ASAP2: variants seen among roughly 807,000 people sequenced by gnomAD.
The protein encoded by ASAP2 is arf-GAP with SH3 domain, ANK repeat and PH domain-containing protein 2.
ASAP2 carries 45 observed loss-of-function variants against 131.4 expected under a neutral mutation model. That is an observed-to-expected ratio of 0.34 (90% CI 0.27 to 0.44). The LOEUF (loss-of-function observed/expected upper bound fraction) is 0.44, where lower values mean the gene tolerates loss of function less well. Ranked by LOEUF, ASAP2 falls within the 20% of genes least tolerant of loss-of-function variation. The probability of loss-of-function intolerance (pLI) is 1.00; values close to 1 mark genes in which losing one functional copy is unlikely to be tolerated. For missense variants in ASAP2, 1,011 were observed against 1,297.0 expected (o/e 0.78, Z 3.39); for synonymous variants, 510 against 503.0 (o/e 1.01, Z -0.19).
chr2:9,402,509 C>G (rs1243678254), intron 27 of ASAP2, among the ~76,000 whole-genome samples: 1 of 152,222 alleles, frequency 6.6e-6, no homozygotes, highest in African/African-American at 2.4e-5. Context: ...GTAATCCCAG[C>G]TACTCGGGAA....
At chr2:9,355,950 T>C (rs1045605999) in intron 12 of ASAP2, 97 bp from the exon 13 acceptor site, 1 of 1,435,802 alleles carries the variant, frequency 7.0e-7, no homozygotes, top group Non-Finnish European at 9.8e-7. Flanking sequence ...AACAGAGAGC[T>C]AAGATTATTC....
chr2:9,359,957 C>T (rs1324792838), intron 15 of ASAP2, among the ~76,000 whole-genome samples: 1 of 152,206 alleles, frequency 6.6e-6, no homozygotes, highest in Non-Finnish European at 1.5e-5. Flanking sequence ...GAACTCCAAA[C>T]AGTGCCTTCC....
At chr2:9,209,117 G>A (rs761402184) in intron 1 of ASAP2, among the ~76,000 whole-genome samples, 2 of 152,216 alleles carry the variant, frequency 1.3e-5, no homozygotes, top group African/African-American at 2.4e-5. Context: ...ACTGGATTTG[G>A]TCATTTCATT....
intron 7 of ASAP2, among the ~76,000 whole-genome samples, chr2:9,334,201 G>GTTTTTTTTTTTTTTTT (rs111579113): frequency 2.3e-5 from 3 of 129,488 alleles, no homozygotes; most frequent in Non-Finnish European, 3.2e-5. Flanking sequence ...TTTTGTATTT[G>GTTTTTTTTTTTTTTTT]TTTTTTTTTT....
chr2:9,293,567 C>A (rs1035828800), intron 2 of ASAP2, among the ~76,000 whole-genome samples: 1 of 152,062 alleles, frequency 6.6e-6, no homozygotes, highest in Admixed American at 6.6e-5. Flanking sequence ...TTGTTTTTGG[C>A]AAAAGAAAAA....
At chr2:9,266,538 G>T (rs1665962448) in intron 1 of ASAP2, among the ~76,000 whole-genome samples, 1 of 152,142 alleles carries the variant, frequency 6.6e-6, no homozygotes, top group African/African-American at 2.4e-5. Flanking sequence ...ACACAGGCCA[G>T]CTTCCCTCAC....
rs140305748 is a variant in ASAP2 at position 9,338,290 on chromosome 2, GCT to G, written c.849+3128_849+3129del. On this transcript the variant is annotated intron_variant, in intron 9 of 27. Transcript: ENST00000281419. Reference sequence around the variant, plus strand: ...CACTCTGCAGATCTCAAGTATGGTTGCTCTCTCTCTCTCTCTCTGTCTGTCTG... The same window carrying G: ...CACTCTGCAGATCTCAAGTATGGTTGCTCTCTCTCTCTCTCTGTCTGTCTG... Among the ~76,000 whole-genome samples the G allele has an allele frequency of 7.7e-4, 114 of 147,280 alleles. 1 individual carries two copies. The highest frequency in any genetic ancestry group is 2.0e-3 in the Admixed American group (30 of 14,806).
At chr2:9,303,902 G>A (rs546881265) in intron 3 of ASAP2, among the ~76,000 whole-genome samples, 9 of 152,356 alleles carry the variant, frequency 5.9e-5, no homozygotes, top group Non-Finnish European at 1.0e-4. Flanking sequence ...GGCCTTGGGC[G>A]TGGGAGGGAG....
In ASAP2 at chr2:9,337,221, A is replaced by G. The variant is rs115344518; in HGVS notation, c.849+2042A>G. Among the ~76,000 whole-genome samples, 1,028 of 152,326 alleles carry G rather than the reference A, an allele frequency of 6.7e-3. 15 individuals carry two copies. The highest frequency in any genetic ancestry group is 0.023 in the African/African-American group (976 of 41,564). On this transcript the variant is annotated intron_variant, in intron 9 of 27. Transcript: ENST00000281419. ...TGGCTCCTTGTCAAGACCTAACTCA[A>G]CAGTCTCCTAGTTGTGGGCGTGTTG...
At chr2:9,304,913 T>C (rs1338261834) in intron 3 of ASAP2, among the ~76,000 whole-genome samples, 2 of 149,726 alleles carry the variant, frequency 1.3e-5, no homozygotes, top group East Asian at 4.0e-4. Flanking sequence ...GGTGTAGATG[T>C]TAGTGGAGAG....
rs1669328983 is a variant in ASAP2 at position 9,311,908 on chromosome 2, A to T, written c.346-6616A>T. Among the ~76,000 whole-genome samples, 2 of 152,248 alleles carry T rather than the reference A, an allele frequency of 1.3e-5. No individual in the cohort carries two copies. The highest frequency in any genetic ancestry group is 4.8e-5 in the African/African-American group (2 of 41,466). On this transcript the variant is annotated intron_variant, in intron 3 of 27. Transcript: ENST00000281419. The surrounding 1 kb of genome is among the most constrained non-coding windows in gnomAD (Gnocchi z 5.2). The stretch of plus-strand genomic sequence containing the variant: ...GCTGTGTGGATTGCATACACCAAGC[A>T]TGGAAAGGCAGAGGCAAGCAGGCTG...
intron 3 of ASAP2, among the ~76,000 whole-genome samples, chr2:9,297,748 G>T (rs928076898): frequency 6.6e-6 from 1 of 152,208 alleles, no homozygotes; most frequent in Admixed American, 6.5e-5. Context: ...TTTCTAAACT[G>T]TGTAGACTAC....
chr2:9,310,163 G>A (rs1669208234), intron 3 of ASAP2, among the ~76,000 whole-genome samples: 2 of 152,228 alleles, frequency 1.3e-5, no homozygotes, highest in African/African-American at 4.8e-5. Flanking sequence ...TTTCTCTGAA[G>A]CTGTGCTTTT....
chr2:9,214,844 TG>T (rs1239770865), intron 1 of ASAP2, among the ~76,000 whole-genome samples: 4 of 151,786 alleles, frequency 2.6e-5, no homozygotes, highest in Admixed American at 2.0e-4. Context: ...AATAGTCTCA[TG>T]TTTTATGTGC....
At chr2:9,328,456 C>T (rs1670615596) in intron 7 of ASAP2, among the ~76,000 whole-genome samples, 1 of 152,084 alleles carries the variant, frequency 6.6e-6, no homozygotes, top group African/African-American at 2.4e-5. Context: ...ACTCATTTGA[C>T]CTATTCCGCA....
chr2:9,254,236 A>AATATATATATATATATATATATATATAT (rs34570938), intron 1 of ASAP2, among the ~76,000 whole-genome samples: 11 of 47,108 alleles, frequency 2.3e-4, no homozygotes, highest in Admixed American at 1.0e-3. Context: ...AAAAAAAAAA[A>AATATATATATATATATATATATATATAT]ATATATATAT....
intron 3 of ASAP2, among the ~76,000 whole-genome samples, chr2:9,312,012 A>T (rs977937185): frequency 1.3e-5 from 2 of 152,254 alleles, no homozygotes; most frequent in African/African-American, 4.8e-5. Flanking sequence ...TTCTTTAAAA[A>T]GTAAACACCT....
intron 19 of ASAP2, among the ~76,000 whole-genome samples, chr2:9,380,096 G>A (rs1674716064): frequency 6.6e-6 from 1 of 152,194 alleles, no homozygotes; most frequent in Non-Finnish European, 1.5e-5. Context: ...GGTGAGCAGT[G>A]CTTTTCGTTA....
chr2:9,238,725 C>G (rs1663730050), intron 1 of ASAP2, among the ~76,000 whole-genome samples: 1 of 151,952 alleles, frequency 6.6e-6, no homozygotes. Context: ...ATGAAATTTA[C>G]CCTAAGAGTA....
Sources: gnomAD v4.1 joint callset for allele counts (sites outside exome capture counted in the v4.1 genomes callset) on GRCh38, gnomAD v4.1.1 for gene constraint, Gnocchi (gnomAD v3.1) non-coding constraint, MANE v1.5 for transcripts, NCBI Gene and HGNC (gene_info 2026-07-23, HGNC 2026-07-21) for gene names.